Variants in SMCO2 observed in about 807,000 individuals in gnomAD.
SMCO2 encodes single-pass membrane protein with coiled-coil domains 2.
SMCO2 carries 25 observed loss-of-function variants against 29.5 expected under a neutral mutation model. The observed-to-expected ratio is 0.85, with a 90% confidence interval of 0.62 to 1.18. SMCO2 has a LOEUF of 1.18. SMCO2 is among the 50% of genes most tolerant of loss of function. The pLI, the probability that SMCO2 is intolerant of heterozygous loss-of-function variation, is 0.00. For missense variants in SMCO2, 348 were observed against 344.5 expected, an observed-to-expected ratio of 1.01 and a Z score of -0.08; for synonymous variants, 117 against 123.3, an observed-to-expected ratio of 0.95 and a Z score of 0.34.
chr12:27,461,863 C>T (rs1037870152), upstream of SMCO2, among the ~76,000 whole-genome samples: 2 of 152,214 alleles, frequency 1.3e-5, no homozygotes, highest in Admixed American at 6.5e-5. Context: ...CTGTGTGAAG[C>T]TCTTGGAAAG....
chr12:27,451,698 G>A, the SMCO2 span, among the ~76,000 whole-genome samples: 1 of 152,198 alleles, frequency 6.6e-6, no homozygotes, highest in African/African-American at 2.4e-5. Context: ...CTCTGCACAT[G>A]TCTGCCTCAA....
the SMCO2 span, chr12:27,424,860 C>T: frequency 6.6e-6 from 1 of 152,170 alleles, no homozygotes; most frequent in Non-Finnish European, 1.5e-5. Flanking sequence ...TTTTTCCAAG[C>T]TCCATGGGGC....
exon 2 of SMCO2, chr12:27,470,646 C>T: frequency 6.4e-7 from 1 of 1,550,982 alleles, no homozygotes; most frequent in Non-Finnish European, 8.7e-7. Context: ...CTCTCACGCC[C>T]ACAAACCTAA....
the SMCO2 span, among the ~76,000 whole-genome samples, chr12:27,450,298 C>T: frequency 8.5e-3 from 1,267 of 149,496 alleles, 10 homozygotes; most frequent in South Asian, 0.03. Flanking sequence ...CCTCCTCCCT[C>T]CCTGCCCCCA....
intron 5 of SMCO2, 77 bp downstream of exon 6, chr12:27,488,624 A>G (rs971594342): frequency 8.4e-6 from 9 of 1,071,664 alleles, no homozygotes; most frequent in Non-Finnish European, 1.2e-5. Flanking sequence ...TCTATTGTTA[A>G]TAGGCAATAA....
chr12:27,474,797 G>A, exon 4 of SMCO2: 1 of 1,551,700 alleles, frequency 6.4e-7, no homozygotes, highest in African/African-American at 1.4e-5. Flanking sequence ...GTATGTTGGA[G>A]CTAGAGGCTG....
At chr12:27,450,606 G>A in the SMCO2 span, among the ~76,000 whole-genome samples, 4 of 152,180 alleles carry the variant, frequency 2.6e-5, no homozygotes, top group Non-Finnish European at 5.9e-5. Context: ...ACAACCCAAA[G>A]TGCTCACAGA....
intron 4 of SMCO2, among the ~76,000 whole-genome samples, chr12:27,480,429 A>G (rs1949632407): frequency 6.6e-6 from 1 of 152,140 alleles, no homozygotes; most frequent in Non-Finnish European, 1.5e-5. Flanking sequence ...CCAGCCATCT[A>G]AGCATCCCTT....
chr12:27,484,871 A>ATATAT (rs1491516023), intron 4 of SMCO2, among the ~76,000 whole-genome samples: 9 of 77,198 alleles, frequency 1.2e-4, no homozygotes, highest in Non-Finnish European at 2.0e-4. Context: ...AAAAAAAAAA[A>ATATAT]ATATATATAT....
intron 2 of SMCO2, 142 bp downstream of exon 2, chr12:27,470,907 T>G (rs921708936): frequency 5.8e-6 from 6 of 1,039,506 alleles, no homozygotes; most frequent in Non-Finnish European, 8.0e-6. Context: ...AATTTTAATC[T>G]CATGAATATT....
the SMCO2 span, among the ~76,000 whole-genome samples, chr12:27,428,865 G>C: frequency 7.3e-6 from 1 of 137,648 alleles, no homozygotes; most frequent in Non-Finnish European, 1.5e-5. Flanking sequence ...GGGATGCCTA[G>C]ATTACATAAA....
At chr12:27,478,059 G>T (rs1187113796) in intron 4 of SMCO2, among the ~76,000 whole-genome samples, 1 of 152,146 alleles carries the variant, frequency 6.6e-6, no homozygotes, top group African/African-American at 2.4e-5. Context: ...GCTTTCATAG[G>T]GAAAGATTAG....
At chr12:27,470,304 T>C (rs1289167026) in intron 1 of SMCO2, among the ~76,000 whole-genome samples, 2 of 152,168 alleles carry the variant, frequency 1.3e-5, no homozygotes, top group East Asian at 3.9e-4. Context: ...CAGAAAGCGA[T>C]TAAAAAAATG....
At chr12:27,470,695 G>A in exon 2 of SMCO2, 2 of 1,551,220 alleles carry the variant, frequency 1.3e-6, no homozygotes, top group South Asian at 1.2e-5. Flanking sequence ...GGACTGCCAG[G>A]AACAACAGCT....
intron 3 of SMCO2, among the ~76,000 whole-genome samples, chr12:27,473,806 A>T (rs2135548302): frequency 6.6e-6 from 1 of 152,352 alleles, no homozygotes; most frequent in Middle Eastern, 3.4e-3. Flanking sequence ...GAAACACAGG[A>T]AATTCAGATC....
the SMCO2 span, among the ~76,000 whole-genome samples, chr12:27,438,236 A>G: frequency 6.6e-6 from 1 of 152,118 alleles, no homozygotes; most frequent in Non-Finnish European, 1.5e-5. Context: ...CCCGCTGGCC[A>G]TTCAAATGTC....
At chr12:27,430,308 T>C in the SMCO2 span, among the ~76,000 whole-genome samples, 1 of 152,232 alleles carries the variant, frequency 6.6e-6, no homozygotes, top group Non-Finnish European at 1.5e-5. Context: ...CATTATGTGA[T>C]AGTATATCAC....
intron 1 of SMCO2, 92 bp from the exon 2 acceptor site, chr12:27,470,530 C>T: frequency 7.2e-7 from 1 of 1,397,854 alleles, no homozygotes; most frequent in South Asian, 1.4e-5. Context: ...AGCCAAATGC[C>T]CTGAGGAAGA....
At chr12:27,479,862 C>A (rs1255517908) in intron 4 of SMCO2, among the ~76,000 whole-genome samples, 1 of 150,554 alleles carries the variant, frequency 6.6e-6, no homozygotes. Context: ...AAAGTCTTTC[C>A]TTCATAAATT....
Sources: allele counts gnomAD v4.1 joint callset (sites outside exome capture counted in the v4.1 genomes callset), GRCh38; gene constraint gnomAD v4.1.1; transcripts MANE v1.5; gene names NCBI Gene and HGNC (gene_info 2026-07-23, HGNC 2026-07-21).